Variants in BRDT observed in about 807,000 individuals in gnomAD.
BRDT encodes the protein bromodomain testis associated, also known as bromodomain testis-specific protein.
BRDT carries 77 observed loss-of-function variants against 113.9 expected under a neutral mutation model. The ratio of observed to expected loss-of-function variants is 0.68; its 90% CI spans 0.56 to 0.82. BRDT has a LOEUF of 0.82. BRDT is among the 40% of genes least tolerant of loss of function. The probability of loss-of-function intolerance (pLI) is 0.00; values close to 1 mark genes in which losing one functional copy is unlikely to be tolerated. For missense variants in BRDT, 1,027 were observed against 1,105.4 expected (o/e 0.93, Z 1.01); for synonymous variants, 358 against 366.5 (o/e 0.98, Z 0.26).
chr1:91,984,596 A>G (rs958709285), intron 12 of BRDT, among the ~76,000 whole-genome samples: 7 of 152,196 alleles, frequency 4.6e-5, no homozygotes, highest in African/African-American at 1.7e-4. Flanking sequence ...TTGACTGAAA[A>G]TATGAATATG....
In BRDT at chr1:91,980,812, G is replaced by C; in HGVS notation, c.1457G>C (p.Arg486Thr). 6.3e-7 allele frequency: 1 copy of C among 1,592,288 alleles called. No individual in the cohort carries two copies. Among genetic ancestry groups the C allele is most frequent in the Non-Finnish European group, 8.5e-7 (1 of 1,174,768 alleles). ...ATGAGGCTAAAGGAAAAGTCCAAGA[G>C]AAAGTAAGTATCTTTTATTATGATA... is the stretch of plus-strand genomic sequence containing the variant. ...EQMRLKEKSK[R>T]NQPKKRKQQF... The change falls in exon 9 of 19, where the codon AGA becomes ACA. Residue 486 changes from arginine (R) to threonine (T), a missense_variant. Coordinates refer to ENST00000399546, the MANE Select transcript of BRDT (RefSeq NM_207189.4).
rs546097598 is a variant in BRDT, at chr1:91,978,376, T to C, written c.1098+80T>C. ...TTTTTTAGAACCATAATGTAAGAGA[T>C]AAAGAATAATAACTCCTACACCTCT... On this transcript the variant is annotated intron_variant, in intron 7 of 18. Transcript: ENST00000399546. 2.0e-6 allele frequency: 3 copies of C among 1,509,632 alleles called. No homozygotes were observed. The East Asian group carries it at 6.8e-5, about 34-fold the overall frequency. The allele number at this position is 1,509,632 out of a possible 1,614,324, so 93.5% of individuals were successfully genotyped here. A position where few individuals can be genotyped will look rare whatever the true frequency, so the allele number is the denominator to read the frequency against.
At position 91,980,693 on chromosome 1, in the gene BRDT, T is replaced by A; in HGVS notation, c.1338T>A (p.Arg446=). 1 of 1,603,624 alleles carries A rather than the reference T, an allele frequency of 6.2e-7. No individual in the cohort carries two copies. The highest frequency in any genetic ancestry group is 8.5e-7 in the Non-Finnish European group (1 of 1,177,854). The change falls in exon 9 of 19, where the codon CGT becomes CGA. Residue 446 remains arginine, a synonymous_variant. Coordinates refer to ENST00000399546, the MANE Select transcript of BRDT (RefSeq NM_207189.4). ...QLQVLSQVPF[R]KLNKKKEKSK... ...AGGTTTTGTCCCAAGTACCTTTCCG[T>A]AAGCTAAATAAAAAGAAAGAGAAGT... is the stretch of plus-strand genomic sequence containing the variant.
intron 1 of BRDT, among the ~76,000 whole-genome samples, chr1:91,957,195 T>C (rs1681867532): frequency 6.6e-6 from 1 of 152,168 alleles, no homozygotes; most frequent in African/African-American, 2.4e-5. Context: ...ATGTGTGTTT[T>C]AATAGATTTT....
intron 16 of BRDT, 86 bp from the exon 17 acceptor site, chr1:92,004,328 A>G (rs1355028402): frequency 2.3e-6 from 2 of 856,498 alleles, no homozygotes; most frequent in Non-Finnish European, 3.6e-6. Context: ...AATTAGATCT[A>G]TTGCTGTATC....
chr1:92,014,158 A>G (rs762791986), intron 18 of BRDT, 48 bp from the exon 19 acceptor site: 1 of 1,250,586 alleles, frequency 8.0e-7, no homozygotes, highest in African/African-American at 1.5e-5. Flanking sequence ...GTTGTAGTAA[A>G]GACATACATT....
At chr1:91,964,357 G>A (rs775843076) in intron 2 of BRDT, among the ~76,000 whole-genome samples, 4 of 151,962 alleles carry the variant, frequency 2.6e-5, no homozygotes, top group African/African-American at 4.8e-5. Flanking sequence ...CACCATGCCC[G>A]GCCAATTTTC....
rs1686134893 is a variant in BRDT at position 91,994,828 on chromosome 1, A to G, written c.2287+574A>G. Among the ~76,000 whole-genome samples the G allele has an allele frequency of 3.9e-5, 5 of 128,782 alleles. No individual in the cohort carries two copies. In the South Asian group the frequency reaches 1.3e-3, roughly 33 times the overall value. 84.5% of individuals were successfully genotyped at this position (128,782 alleles called of 152,430 possible). ...GCTTGCAGTGAGCCGAGATCCCGCC[A>G]CTGCACTCCAGCCTGGGCGACAGAG... On this transcript the variant is annotated intron_variant, in intron 15 of 18. Transcript: ENST00000399546.
intron 18 of BRDT, among the ~76,000 whole-genome samples, chr1:92,005,588 G>A (rs1367301029): frequency 6.6e-6 from 1 of 152,110 alleles, no homozygotes; most frequent in Non-Finnish European, 1.5e-5. Flanking sequence ...AGGCTGCAGG[G>A]AGCTATGATC....
chr1:91,970,890 G>A (rs1441208830), intron 4 of BRDT, among the ~76,000 whole-genome samples: 13 of 134,256 alleles, frequency 9.7e-5, no homozygotes, highest in Admixed American at 3.2e-4. Context: ...GCAACAGAGC[G>A]ACAGAGCAAG....
chr1:92,001,565 G>A (rs1686845907), intron 15 of BRDT, among the ~76,000 whole-genome samples: 1 of 152,044 alleles, frequency 6.6e-6, no homozygotes, highest in Admixed American at 6.6e-5. Context: ...GCATGGTGGT[G>A]GGTGCCTGTA....
At position 91,980,753 on chromosome 1, in the gene BRDT, C is replaced by A; in HGVS notation, c.1398C>A (p.Asn466Lys). Residue 466 changes from asparagine to lysine, a missense_variant, in exon 9 of 19, where the codon AAC (asparagine) becomes AAA (lysine). Coordinates refer to ENST00000399546, the MANE Select transcript of BRDT (RefSeq NM_207189.4). ...KKEKKKEKVNNSNENPRKMCE... is the reference protein window; with the variant it reads ...KKEKKKEKVNKSNENPRKMCE... ...AAAAGAAAAAAGAAAAGGTTAATAA[C>A]AGCAATGAAAATCCAAGAAAAATGT... The A allele has an allele frequency of 6.2e-7, 1 of 1,606,264 alleles. No individual in the cohort carries two copies. The highest frequency in any genetic ancestry group is 8.5e-7 in the Non-Finnish European group (1 of 1,178,474).
chr1:92,001,607 A>G (rs1315580722), intron 15 of BRDT, among the ~76,000 whole-genome samples: 1 of 152,080 alleles, frequency 6.6e-6, no homozygotes, highest in Admixed American at 6.6e-5. Flanking sequence ...AAAGCAGGGG[A>G]ATTGCTTGAA....
chr1:91,952,777 C>CAGA (rs1681247620), intron 1 of BRDT, among the ~76,000 whole-genome samples: 1 of 74,878 alleles, frequency 1.3e-5, no homozygotes, highest in Non-Finnish European at 2.5e-5. Flanking sequence ...GACCCATCTC[C>CAGA]AAAAAAAAAA....
At chr1:91,976,955 CTT>C in intron 5 of BRDT, 86 bp from the exon 6 acceptor site, 2 of 1,040,818 alleles carry the variant, frequency 1.9e-6, no homozygotes, top group Non-Finnish European at 2.7e-6. Context: ...TGCCAATAAT[CTT>C]TCCCTTTTTT....
intron 18 of BRDT, among the ~76,000 whole-genome samples, chr1:92,012,259 T>C (rs1160168126): frequency 6.7e-6 from 1 of 149,268 alleles, no homozygotes; most frequent in Non-Finnish European, 1.5e-5. Context: ...ATCACGCCAC[T>C]GCACTCCAGC....
At chr1:92,011,539 C>T (rs7521569) in intron 18 of BRDT, among the ~76,000 whole-genome samples, 106,643 of 151,856 alleles carry the variant, frequency 0.7, 38,745 homozygotes, top group Middle Eastern at 0.8. Flanking sequence ...CACGCCCAGC[C>T]GACCTAAAGT....
At chr1:91,987,648 G>GTTTTTGTTTTTTGT (rs71586729) in intron 12 of BRDT, among the ~76,000 whole-genome samples, 1 of 150,730 alleles carries the variant, frequency 6.6e-6, no homozygotes, top group Non-Finnish European at 1.5e-5. Context: ...GCCCGGCCTT[G>GTTTTTGTTTTTTGT]TTTTTGTTTT....
intron 4 of BRDT, among the ~76,000 whole-genome samples, chr1:91,973,487 A>G (rs915209728): frequency 1.3e-5 from 2 of 152,200 alleles, no homozygotes; most frequent in East Asian, 3.9e-4. Context: ...CTCCTTGAAG[A>G]GGTCCTTCAC....
Sources: gnomAD v4.1 joint callset for allele counts (sites outside exome capture counted in the v4.1 genomes callset) on GRCh38, gnomAD v4.1.1 for gene constraint, MANE v1.5 for transcripts, NCBI Gene and HGNC (gene_info 2026-07-23, HGNC 2026-07-21) for gene names.